Variants in SPIDR observed in about 807,000 individuals in gnomAD.
SPIDR encodes DNA repair-scaffolding protein.
In SPIDR, 93 loss-of-function variants were observed where a neutral mutation model predicts 104.6. That is an observed-to-expected ratio of 0.89 (90% CI 0.75 to 1.06). The LOEUF (loss-of-function observed/expected upper bound fraction) is 1.06. Among genes scored for constraint, SPIDR ranks in the 50% least tolerant of loss-of-function variants. The pLI, the probability that SPIDR is intolerant of heterozygous loss-of-function variation, is 0.00. For missense variants in SPIDR, 1,154 were observed against 1,111.2 expected (o/e 1.04, Z -0.55); for synonymous variants, 431 against 416.9 (o/e 1.03, Z -0.41).
intron 16 of SPIDR, among the ~76,000 whole-genome samples, chr8:47,725,154 G>A (rs534523865): frequency 6.6e-5 from 10 of 152,360 alleles, no homozygotes; most frequent in South Asian, 2.1e-4. Context: ...TGCACCAGGC[G>A]TGGTGAGCGC....
At chr8:47,388,859 T>C (rs558601771) in intron 5 of SPIDR, among the ~76,000 whole-genome samples, 11 of 152,364 alleles carry the variant, frequency 7.2e-5, no homozygotes, top group African/African-American at 2.2e-4. Context: ...TTGAATACTT[T>C]ATGGTTTTGA....
intron 8 of SPIDR, among the ~76,000 whole-genome samples, chr8:47,484,716 G>T (rs936843735): frequency 6.6e-6 from 1 of 152,216 alleles, no homozygotes; most frequent in Admixed American, 6.5e-5. Flanking sequence ...TGTTATAAAA[G>T]ACATCATTGG....
intron 8 of SPIDR, among the ~76,000 whole-genome samples, chr8:47,532,830 A>G (rs1438682213): frequency 2.0e-5 from 3 of 152,248 alleles, no homozygotes; most frequent in Non-Finnish European, 4.4e-5. Flanking sequence ...CAGAATATAC[A>G]TTCTTCTCAA....
intron 8 of SPIDR, among the ~76,000 whole-genome samples, chr8:47,487,343 A>G (rs564188229): frequency 9.2e-5 from 14 of 152,364 alleles, no homozygotes; most frequent in African/African-American, 3.4e-4. Context: ...AGGAGCACCC[A>G]GACTCATAAA....
At chr8:47,595,285 TGAG>T (rs1285087738) in intron 8 of SPIDR, among the ~76,000 whole-genome samples, 1 of 152,216 alleles carries the variant, frequency 6.6e-6, no homozygotes, top group Non-Finnish European at 1.5e-5. Context: ...GTCCAAGGAC[TGAG>T]AAGAACCAGG....
chr8:47,628,560 A>G (rs751786), intron 10 of SPIDR, among the ~76,000 whole-genome samples: 1 of 152,196 alleles, frequency 6.6e-6, no homozygotes, highest in African/African-American at 2.4e-5. Context: ...ATTTAAAATA[A>G]AAATAAAATG....
intron 15 of SPIDR, chr8:47,713,267 A>G: frequency 3.1e-6 from 2 of 641,486 alleles, no homozygotes; most frequent in Admixed American, 3.0e-5. Flanking sequence ...ATGCCACATA[A>G]TTTACCCTGT....
intron 8 of SPIDR, among the ~76,000 whole-genome samples, chr8:47,460,055 C>G (rs1554712458): frequency 6.6e-6 from 1 of 152,108 alleles, no homozygotes; most frequent in Non-Finnish European, 1.5e-5. Flanking sequence ...TGTGGCCTAT[C>G]ATATGGTCTA....
intron 5 of SPIDR, among the ~76,000 whole-genome samples, chr8:47,385,722 A>G (rs1554647800): frequency 6.6e-6 from 1 of 152,136 alleles, no homozygotes; most frequent in Admixed American, 6.5e-5. Flanking sequence ...TTGGCTTCCC[A>G]TTTCTTATTG....
rs782549220 is a variant in SPIDR at position 47,396,639 on chromosome 8, C to T, written c.776+13C>T. On this transcript the variant is annotated intron_variant, in intron 6 of 19. Coordinates refer to ENST00000297423, the MANE Select transcript of SPIDR (RefSeq NM_001080394.4). ...AGAAGCTTTTAAGGTTAAATTATAC[C>T]CTTTTAAATACTCTTTTTAAATTTT... 7.4e-5 allele frequency: 117 copies of T among 1,573,566 alleles called. No homozygotes were observed. Among genetic ancestry groups the T allele is most frequent in the Admixed American group, 1.2e-4 (6 of 48,428 alleles).
chr8:47,694,799 A>T (rs769483673), intron 11 of SPIDR, among the ~76,000 whole-genome samples: 11 of 152,026 alleles, frequency 7.2e-5, no homozygotes, highest in African/African-American at 2.7e-4. Flanking sequence ...ATAAAAAATG[A>T]GGGCCCAAAG....
intron 8 of SPIDR, among the ~76,000 whole-genome samples, chr8:47,545,321 G>A (rs958498136): frequency 6.6e-6 from 1 of 151,428 alleles, no homozygotes; most frequent in Non-Finnish European, 1.5e-5. Flanking sequence ...CGCCCTCTTT[G>A]GCCTCCCAAA....
chr8:47,547,414 T>G (rs2089608409), intron 8 of SPIDR: 1 of 258,132 alleles, frequency 3.9e-6, no homozygotes, highest in Non-Finnish European at 7.8e-6. Flanking sequence ...CTTCTCTTTT[T>G]TTGTATATTT....
intron 5 of SPIDR, among the ~76,000 whole-genome samples, chr8:47,299,105 T>G (rs2041510101): frequency 6.6e-6 from 1 of 152,222 alleles, no homozygotes; most frequent in African/African-American, 2.4e-5. Flanking sequence ...GTTCTTCCAT[T>G]TGTTTGTATC....
intron 7 of SPIDR, among the ~76,000 whole-genome samples, chr8:47,440,034 G>A (rs546204603): frequency 6.6e-6 from 1 of 152,092 alleles, no homozygotes; most frequent in African/African-American, 2.4e-5. Flanking sequence ...TAAAATGACG[G>A]GTCTAAGGTT....
At chr8:47,698,498 G>A (rs1476660134) in intron 11 of SPIDR, among the ~76,000 whole-genome samples, 1 of 152,200 alleles carries the variant, frequency 6.6e-6, no homozygotes, top group Non-Finnish European at 1.5e-5. Flanking sequence ...CAGTGGAGAA[G>A]CTGATTTTTT....
intron 8 of SPIDR, among the ~76,000 whole-genome samples, chr8:47,453,149 T>G (rs547810152): frequency 9.5e-4 from 145 of 152,274 alleles, no homozygotes; most frequent in African/African-American, 3.4e-3. Context: ...GGAATCCAAC[T>G]TAGAAGGGAT....
intron 10 of SPIDR, among the ~76,000 whole-genome samples, chr8:47,654,931 G>A (rs1051231330): frequency 1.3e-5 from 2 of 149,676 alleles, no homozygotes; most frequent in Non-Finnish European, 3.0e-5. Flanking sequence ...CTGTGTCCAC[G>A]TGTTCTCATT....
intron 1 of SPIDR, 126 bp downstream of exon 1, chr8:47,261,117 G>T (rs2032066513): frequency 9.3e-7 from 1 of 1,078,062 alleles, no homozygotes; most frequent in East Asian, 3.5e-5. Context: ...GAAGGGCTAG[G>T]TGGTGGCGGG....
Sources: gnomAD v4.1 joint callset for allele counts (sites outside exome capture counted in the v4.1 genomes callset) on GRCh38, gnomAD v4.1.1 for gene constraint, MANE v1.5 for transcripts, NCBI Gene and HGNC (gene_info 2026-07-23, HGNC 2026-07-21) for gene names.